Variants in KAZN observed in about 807,000 individuals in gnomAD.
KAZN encodes kazrin, periplakin interacting protein.
Under a neutral mutation model 87.4 loss-of-function variants are expected in KAZN, and 40 were observed. The ratio of observed to expected loss-of-function variants is 0.46; its 90% CI spans 0.36 to 0.60. The LOEUF (loss-of-function observed/expected upper bound fraction) is 0.60, where lower values mean the gene tolerates loss of function less well. Among genes scored for constraint, KAZN ranks in the 20% least tolerant of loss-of-function variants. KAZN has a pLI of 0.00. For missense variants in KAZN, 898 were observed against 1,073.9 expected (o/e 0.84, Z 2.29); for synonymous variants, 466 against 458.3 (o/e 1.02, Z -0.22).
rs183520396 is a variant in KAZN, at chr1:15,001,449, G to A, written c.419-33300G>A. Among the ~76,000 whole-genome samples the A allele has an allele frequency of 2.0e-5, 3 of 150,716 alleles. No individual in the cohort carries two copies. In the East Asian group the frequency reaches 5.9e-4, roughly 29 times the overall value. On this transcript the variant is annotated intron_variant, in intron 2 of 14. Coordinates refer to ENST00000376030, the MANE Select transcript of KAZN (RefSeq NM_201628.3). ...CCACTACACTTCAACCTGGGCGACC[G>A]AGCGAAAATCTGTCTCAAAAAAAAA...
intron 2 of KAZN, among the ~76,000 whole-genome samples, chr1:14,589,382 C>A (rs947869844): frequency 6.6e-6 from 1 of 151,444 alleles, no homozygotes; most frequent in African/African-American, 2.4e-5. Flanking sequence ...AACATGACAG[C>A]TTTGCACCTG....
chr1:14,331,941 TA>T (rs1319052692), intron 2 of KAZN, among the ~76,000 whole-genome samples: 1 of 152,192 alleles, frequency 6.6e-6, no homozygotes, highest in Non-Finnish European at 1.5e-5. Flanking sequence ...TTTTTATACT[TA>T]ATATTATATT....
intron 1 of KAZN, among the ~76,000 whole-genome samples, chr1:13,952,892 C>T (rs1641406045): frequency 6.6e-6 from 1 of 152,134 alleles, no homozygotes; most frequent in African/African-American, 2.4e-5. Context: ...GGAAACTGAA[C>T]CAGAGTTCTC....
intron 1 of KAZN, among the ~76,000 whole-genome samples, chr1:14,091,993 C>G (rs1488831291): frequency 6.6e-6 from 1 of 151,938 alleles, no homozygotes; most frequent in African/African-American, 2.4e-5. Context: ...ATTGTTGCTA[C>G]TGTCATCATC....
chr1:15,020,724 G>A (rs1015004657), intron 2 of KAZN, among the ~76,000 whole-genome samples: 1 of 152,194 alleles, frequency 6.6e-6, no homozygotes, highest in African/African-American at 2.4e-5. Flanking sequence ...AAATAGGGCC[G>A]CTGTGAACTT....
rs1447930805 is a variant in KAZN at position 14,856,188 on chromosome 1, A to G, written c.227-104496A>G. 1.3e-5 allele frequency among the ~76,000 whole-genome samples: 2 copies of G among 152,192 alleles called. No homozygotes were observed. Among genetic ancestry groups the G allele is most frequent in the Non-Finnish European group, 2.9e-5 (2 of 68,026 alleles). On this transcript the variant is annotated intron_variant, in intron 1 of 14. Transcript: ENST00000376030. This position sits in a 1 kb window ranked among gnomAD's most constrained non-coding sequence, Gnocchi z 5.2. ...GGAGGCTGCAGCTCTTGGGAGGATA[A>G]TGGGCATAGAAATTGGGGAGGGGAT...
At chr1:14,545,507 G>A (rs1050448224) in intron 2 of KAZN, among the ~76,000 whole-genome samples, 12 of 152,120 alleles carry the variant, frequency 7.9e-5, no homozygotes, top group African/African-American at 2.7e-4. Flanking sequence ...GATAATTATA[G>A]TGTCCTTTCT....
chr1:14,133,449 A>G (rs1645042601), intron 1 of KAZN, among the ~76,000 whole-genome samples: 2 of 151,014 alleles, frequency 1.3e-5, no homozygotes, highest in African/African-American at 2.4e-5. Flanking sequence ...AAATAGGGGA[A>G]TCTATGTGTA....
intron 1 of KAZN, among the ~76,000 whole-genome samples, chr1:14,846,558 G>A (rs1385326399): frequency 6.6e-6 from 1 of 152,076 alleles, no homozygotes; most frequent in African/African-American, 2.4e-5. Context: ...ATTGGCCAAG[G>A]CTGACACAAG....
chr1:15,047,077 A>G (rs570060448), intron 4 of KAZN, among the ~76,000 whole-genome samples: 14 of 152,318 alleles, frequency 9.2e-5, no homozygotes, highest in African/African-American at 2.9e-4. Flanking sequence ...TCTGGCAGGC[A>G]TCAGATGCAT....
chr1:14,600,966 G>T (rs373728489), intron 1 of KAZN, among the ~76,000 whole-genome samples: 1 of 152,196 alleles, frequency 6.6e-6, no homozygotes, highest in African/African-American at 2.4e-5. Context: ...ACATACTCGC[G>T]GATGGTTAAA....
At chr1:14,891,458 T>A (rs1405171924) in intron 1 of KAZN, among the ~76,000 whole-genome samples, 1 of 152,178 alleles carries the variant, frequency 6.6e-6, no homozygotes, top group Non-Finnish European at 1.5e-5. Flanking sequence ...TAGTCTCCAA[T>A]CCCATCCAGG....
intron 1 of KAZN, among the ~76,000 whole-genome samples, chr1:13,991,801 G>A (rs1639295263): frequency 6.6e-6 from 1 of 152,040 alleles, no homozygotes. Context: ...TTGACATGAT[G>A]CTTCCCAACT....
intron 2 of KAZN, among the ~76,000 whole-genome samples, chr1:14,381,740 A>T (rs1442590487): frequency 6.6e-6 from 1 of 152,212 alleles, no homozygotes; most frequent in African/African-American, 2.4e-5. Flanking sequence ...GAAAAAACGG[A>T]AAGCCTTTTC....
In KAZN at chr1:15,006,675, A is replaced by C. The variant is rs113359253; in HGVS notation, c.419-28074A>C. Among the ~76,000 whole-genome samples, 694 of 152,338 alleles carry C rather than the reference A, an allele frequency of 4.6e-3. 5 individuals are homozygous for C. The highest frequency in any genetic ancestry group is 0.016 in the African/African-American group (655 of 41,578). On this transcript the variant is annotated intron_variant, in intron 2 of 14. Coordinates refer to ENST00000376030, the MANE Select transcript of KAZN (RefSeq NM_201628.3). ...TAAACCAGAGAAATAAGTAAAATGTATGATCTGGTAGTTGGTGCTAAGTGC... is the reference window on the plus strand; with the variant it reads ...TAAACCAGAGAAATAAGTAAAATGTCTGATCTGGTAGTTGGTGCTAAGTGC...
chr1:14,066,399 T>C (rs1472827371), intron 1 of KAZN, among the ~76,000 whole-genome samples: 4 of 152,180 alleles, frequency 2.6e-5, no homozygotes, highest in Non-Finnish European at 5.9e-5. Flanking sequence ...CTCCACACCA[T>C]TGGGAAAGGA....
intron 1 of KAZN, among the ~76,000 whole-genome samples, chr1:14,693,401 C>T (rs962387636): frequency 4.6e-5 from 7 of 152,144 alleles, no homozygotes; most frequent in South Asian, 2.1e-4. Flanking sequence ...GTCTAGCCTG[C>T]GTGTTGAGAG....
chr1:14,508,756 G>T (rs556720971), intron 2 of KAZN, among the ~76,000 whole-genome samples: 1 of 152,266 alleles, frequency 6.6e-6, no homozygotes, highest in African/African-American at 2.4e-5. Context: ...GACCTCGCCC[G>T]TTCTCCCTTC....
chr1:14,597,633 C>G (rs1367166429), upstream of KAZN, among the ~76,000 whole-genome samples: 2 of 152,176 alleles, frequency 1.3e-5, no homozygotes, highest in African/African-American at 4.8e-5. Context: ...GAAGGGTGGG[C>G]AGCCTCATTT....
Sources: allele counts gnomAD v4.1 joint callset (sites outside exome capture counted in the v4.1 genomes callset), GRCh38; gene constraint gnomAD v4.1.1; non-coding constraint Gnocchi (gnomAD v3.1); transcripts MANE v1.5; gene names NCBI Gene and HGNC (gene_info 2026-07-23, HGNC 2026-07-21).